Variants in AFAP1 observed in about 807,000 individuals in gnomAD.
The protein encoded by AFAP1 is actin filament associated protein 1.
AFAP1 carries 75 observed loss-of-function variants against 93.9 expected under a neutral mutation model. The ratio of observed to expected loss-of-function variants is 0.80; its 90% CI spans 0.66 to 0.97. AFAP1 has a LOEUF of 0.97. Among genes scored for constraint, AFAP1 ranks in the 50% least tolerant of loss-of-function variants. AFAP1 has a pLI of 0.00. For missense variants in AFAP1, 1,201 were observed against 1,050.8 expected (o/e 1.14, Z -1.98); for synonymous variants, 517 against 430.7 (o/e 1.20, Z -2.48).
In AFAP1 at chr4:7,786,573, A is replaced by C. The variant is rs191033520; in HGVS notation, c.1413-262T>G. Among the ~76,000 whole-genome samples the C allele has an allele frequency of 1.0e-3, 155 of 152,248 alleles. 1 individual carries two copies. Among genetic ancestry groups the C allele is most frequent in the Admixed American group, 7.3e-3 (111 of 15,294 alleles). ...CCAGGTACACGCAGCAAAGCCTGCA[A>C]ATAACAGGTGTTCAGAAATACCAAG... On this transcript the variant is annotated intron_variant, in intron 11 of 17. Transcript: ENST00000420658.
chr4:7,913,213 G>T lies in AFAP1; in HGVS notation c.-3+26443C>A, dbSNP rs537024573. Among the ~76,000 whole-genome samples, 9 of 152,102 alleles carry T rather than the reference G, an allele frequency of 5.9e-5. No homozygotes were observed. The East Asian group carries it at 1.7e-3, about 30-fold the overall frequency. On this transcript the variant is annotated intron_variant, in intron 1 of 17. Coordinates refer to ENST00000420658, the MANE Select transcript of AFAP1 (RefSeq NM_001134647.2). ...AGACCAGCCTGAGCAACACAGGGAG[G>T]CCCTGTCTCTGCAAAAAATTTTAAA...
At chr4:7,874,321 A>C (rs1315895388) in intron 1 of AFAP1, among the ~76,000 whole-genome samples, 1 of 151,532 alleles carries the variant, frequency 6.6e-6, no homozygotes, top group Non-Finnish European at 1.5e-5. Context: ...AAAACTTCCC[A>C]ACTACCTATC....
chr4:7,918,532 A>G, intron 1 of AFAP1, among the ~76,000 whole-genome samples: 1 of 130,060 alleles, frequency 7.7e-6, no homozygotes, highest in Admixed American at 7.9e-5. Flanking sequence ...CACTCGGCCC[A>G]GGTCACCAAG....
Position 7,939,791 on chromosome 4 carries a change from C to G in AFAP1, c.-138G>C. 2.8e-6 allele frequency: 1 copy of G among 353,286 alleles called. No homozygotes were observed. The highest frequency in any genetic ancestry group is 2.0e-5 in the South Asian group (1 of 50,160). The allele number at this position is 353,286 out of a possible 1,614,324, so 21.9% of individuals were successfully genotyped here. ...CGGGGCCGCCGCCGCCGCCTCAGCCCGTGTACCCCGCTCGAGATCCGGCTC... is the reference window on the plus strand; with the variant it reads ...CGGGGCCGCCGCCGCCGCCTCAGCCGGTGTACCCCGCTCGAGATCCGGCTC... On this transcript the variant is annotated 5_prime_UTR_variant, in exon 1 of 18. Coordinates refer to ENST00000420658, the MANE Select transcript of AFAP1 (RefSeq NM_001134647.2). The surrounding 1 kb of genome is among the most constrained non-coding windows in gnomAD (Gnocchi z 5.6).
intron 1 of AFAP1, among the ~76,000 whole-genome samples, chr4:7,937,851 G>A (rs4555615): frequency 0.27 from 41,281 of 152,036 alleles, 6,794 homozygotes; most frequent in East Asian, 0.74. Flanking sequence ...AATAGAAAAA[G>A]ATTAATCTAA....
chr4:7,777,511 TG>T (rs1716265937), intron 14 of AFAP1: 1 of 152,260 alleles, frequency 6.6e-6, no homozygotes, highest in Non-Finnish European at 1.5e-5. Flanking sequence ...ACTCCAAAAG[TG>T]GAACCACAGG....
Position 7,798,932 on chromosome 4 carries a change from C to A in AFAP1, c.1266+1510G>T, listed in dbSNP as rs138433699. The A allele has an allele frequency of 1.3e-4, 133 of 987,142 alleles. No individual in the cohort carries two copies. The African/African-American group carries it at 2.2e-3, about 16-fold the overall frequency. The allele number at this position is 987,142 out of a possible 1,614,324, so 61.1% of individuals were successfully genotyped here. A position where few individuals can be genotyped will look rare whatever the true frequency, so the allele number is the denominator to read the frequency against. ...AATTCATGCCTCCTTCTCCTTGCAA[C>A]CCTTCTCAGATCTGCTGTCAGAGCT... On this transcript the variant is annotated intron_variant, in intron 10 of 17. Coordinates refer to ENST00000420658, the MANE Select transcript of AFAP1 (RefSeq NM_001134647.2).
chr4:7,765,953 C>A (rs529768323), intron 17 of AFAP1, among the ~76,000 whole-genome samples: 1 of 152,188 alleles, frequency 6.6e-6, no homozygotes, highest in East Asian at 1.9e-4. Context: ...AGTGACCCTG[C>A]GCCAGGATGC....
In AFAP1 at chr4:7,774,853, G is replaced by C; in HGVS notation, c.1948C>G (p.Arg650Gly). Reference sequence around the variant, plus strand: ...AGCTCCTCCTCTTTGGTCTGTAGCCGCTTGGCATCTGCTTCTACCCGGTTC... The same window carrying C: ...AGCTCCTCCTCTTTGGTCTGTAGCCCCTTGGCATCTGCTTCTACCCGGTTC... Reference protein sequence around the residue: ...GKNRVEADAKRLQTKEEELLK... With the variant: ...GKNRVEADAKGLQTKEEELLK... The change falls in exon 15 of 18, where the codon CGG (arginine) becomes GGG (glycine). Residue 650 changes from arginine to glycine, a missense_variant. Arg to Gly is a moderately radical substitution (Grantham distance 125). Coordinates refer to ENST00000420658, the MANE Select transcript of AFAP1 (RefSeq NM_001134647.2). The C allele has an allele frequency of 6.2e-7, 1 of 1,614,148 alleles. No individual in the cohort carries two copies. The highest frequency in any genetic ancestry group is 8.5e-7 in the Non-Finnish European group (1 of 1,180,032).
At chr4:7,780,676 C>A (rs1716672277) in intron 13 of AFAP1, among the ~76,000 whole-genome samples, 1 of 151,204 alleles carries the variant, frequency 6.6e-6, no homozygotes, top group African/African-American at 2.4e-5. Context: ...CCTAACACCA[C>A]AAAATTACTC....
chr4:7,934,326 T>A lies in AFAP1; in HGVS notation c.-3+5330A>T, dbSNP rs761259520. Among the ~76,000 whole-genome samples the A allele has an allele frequency of 5.4e-4, 83 of 152,314 alleles. 2 individuals carry two copies. Among genetic ancestry groups the A allele is most frequent in the South Asian group, 2.5e-3 (12 of 4,824 alleles). On this transcript the variant is annotated intron_variant, in intron 1 of 17. Transcript: ENST00000420658. ...CTCACTCTGCTGCACTGAAATGATG[T>A]CCAGGTCGGTTTTTCCCACTGGACC... is the stretch of plus-strand genomic sequence containing the variant.
At chr4:7,858,382 AAT>A (rs1715304067) in intron 3 of AFAP1, among the ~76,000 whole-genome samples, 1 of 152,190 alleles carries the variant, frequency 6.6e-6, no homozygotes, top group South Asian at 2.1e-4. Flanking sequence ...CTCAGAAAAT[AAT>A]ACTGCTAAAG....
At position 7,894,897 on chromosome 4, in the gene AFAP1, A is replaced by T. The variant is rs115635023; in HGVS notation, c.-2-22817T>A. The stretch of plus-strand genomic sequence containing the variant: ...AAGGGCCATGGGCTGATCTCCAGGG[A>T]GGGGGATGCTGGAAGGCCTGCTGTC... On this transcript the variant is annotated intron_variant, in intron 1 of 17. Transcript: ENST00000420658. 5.8e-3 allele frequency among the ~76,000 whole-genome samples: 883 copies of T among 152,258 alleles called. 6 individuals are homozygous for T. The highest frequency in any genetic ancestry group is 0.019 in the African/African-American group (779 of 41,558).
At chr4:7,932,149 G>A (rs1271806883) in intron 1 of AFAP1, among the ~76,000 whole-genome samples, 6 of 151,988 alleles carry the variant, frequency 3.9e-5, no homozygotes, top group African/African-American at 9.6e-5. Context: ...GAGCCACCAC[G>A]CCTGGCCCTA....
intron 4 of AFAP1, among the ~76,000 whole-genome samples, chr4:7,853,586 C>T (rs558205117): frequency 1.6e-4 from 24 of 152,280 alleles, no homozygotes; most frequent in African/African-American, 5.5e-4. Flanking sequence ...CGTGCTTCTT[C>T]CAGGGAAGAA....
At chr4:7,872,117 T>G (rs1717108690) in intron 1 of AFAP1, 37 bp from the exon 2 acceptor site, 2 of 1,610,470 alleles carry the variant, frequency 1.2e-6, no homozygotes, top group African/African-American at 1.3e-5. Context: ...TTAGACCCAG[T>G]GATTTGCAAA....
rs1251454194 is a variant in AFAP1 at position 7,763,088 on chromosome 4, A to G, written c.*677T>C. The G allele has an allele frequency of 1.3e-5, 2 of 152,630 alleles. No individual in the cohort carries two copies. Among genetic ancestry groups the G allele is most frequent in the Admixed American group, 6.5e-5 (1 of 15,290 alleles). 9.5% of individuals were successfully genotyped at this position (152,630 alleles called of 1,614,324 possible). A position where few individuals can be genotyped will look rare whatever the true frequency, so the allele number is the denominator to read the frequency against. ...TCTAAGTGTGACACACAGTAAAAAG[A>G]CATTCCTAAAAAACAGGTTAAGAAG... On this transcript the variant is annotated 3_prime_UTR_variant, in exon 18 of 18. Transcript: ENST00000420658.
intron 5 of AFAP1, among the ~76,000 whole-genome samples, chr4:7,840,275 T>TGTGTGC (rs563391674): frequency 4.6e-5 from 6 of 131,646 alleles, no homozygotes; most frequent in African/African-American, 1.8e-4. Flanking sequence ...TGTGTGTGTG[T>TGTGTGC]GTGTGTGTGT....
At chr4:7,782,156 G>A (rs1413686783) in intron 12 of AFAP1, among the ~76,000 whole-genome samples, 1 of 152,188 alleles carries the variant, frequency 6.6e-6, no homozygotes, top group East Asian at 1.9e-4. Context: ...CGCTGACTTC[G>A]TCTCACAGTC....
Sources: allele counts gnomAD v4.1 joint callset (sites outside exome capture counted in the v4.1 genomes callset), GRCh38; gene constraint gnomAD v4.1.1; non-coding constraint Gnocchi (gnomAD v3.1); transcripts MANE v1.5; gene names NCBI Gene and HGNC (gene_info 2026-07-23, HGNC 2026-07-21).